Variants in SLC43A2 observed in about 807,000 individuals in gnomAD.
SLC43A2 encodes solute carrier family 43 member 2, also known as large neutral amino acids transporter small subunit 4.
In SLC43A2, 38 loss-of-function variants were observed where a neutral mutation model predicts 63.2. The ratio of observed to expected loss-of-function variants is 0.60; its 90% CI spans 0.46 to 0.79. SLC43A2 has a LOEUF of 0.79. Among genes scored for constraint, SLC43A2 ranks in the 30% least tolerant of loss-of-function variants. SLC43A2 has a pLI of 0.00. For missense variants in SLC43A2, 644 were observed against 756.2 expected (o/e 0.85, Z 1.74); for synonymous variants, 322 against 331.0 (o/e 0.97, Z 0.30).
intron 11 of SLC43A2, among the ~76,000 whole-genome samples, chr17:1,582,896 T>C (rs2076041423): frequency 6.6e-6 from 1 of 152,140 alleles, no homozygotes; most frequent in Non-Finnish European, 1.5e-5. Flanking sequence ...CTGGCCAACA[T>C]GGCAAAACCC....
At chr17:1,597,132 C>G (rs1417467774) in intron 5 of SLC43A2, among the ~76,000 whole-genome samples, 1 of 152,092 alleles carries the variant, frequency 6.6e-6, no homozygotes. Flanking sequence ...AGGAGAATCA[C>G]TTGAACCCAG....
At chr17:1,587,644 C>T (rs1205644826) in intron 9 of SLC43A2, among the ~76,000 whole-genome samples, 1 of 152,178 alleles carries the variant, frequency 6.6e-6, no homozygotes, top group East Asian at 1.9e-4. Flanking sequence ...TGAGTGCTGG[C>T]TCTGACCTTG....
chr17:1,596,305 C>A (rs548536880), intron 5 of SLC43A2, among the ~76,000 whole-genome samples: 1 of 150,598 alleles, frequency 6.6e-6, no homozygotes, highest in Non-Finnish European at 1.5e-5. Context: ...GGCAAGAGTG[C>A]GAGACTCCAT....
intron 9 of SLC43A2, among the ~76,000 whole-genome samples, chr17:1,590,462 TTTCAGCCATGCTCAGGTGGAG>T (rs1329227067): frequency 4.6e-5 from 7 of 152,306 alleles, no homozygotes; most frequent in Admixed American, 3.3e-4. Flanking sequence ...ACCTGCTGTC[TTTCAGCCATGCTCAGGTGGAG>T]CGTTCTGTTC....
Position 1,586,816 on chromosome 17 carries a change from C to T in SLC43A2, c.1079-765G>A, listed in dbSNP as rs868290992. 10 of 882,744 alleles carry T rather than the reference C, an allele frequency of 1.1e-5. No individual in the cohort carries two copies. In the Middle Eastern group the frequency reaches 8.2e-4, roughly 73 times the overall value. 54.7% of individuals were successfully genotyped at this position (882,744 alleles called of 1,614,324 possible). A position where few individuals can be genotyped will look rare whatever the true frequency, so the allele number is the denominator to read the frequency against. On this transcript the variant is annotated intron_variant, in intron 9 of 13. Transcript: ENST00000301335. ...AAGCAGACGAGGAATGTTGATTGCC[C>T]CAGTTTTACCCCCACGGCTCTAGCC... is the stretch of plus-strand genomic sequence containing the variant.
In SLC43A2 at chr17:1,606,877, G is replaced by A. The variant is rs972346161; in HGVS notation, c.501+6318C>T. 9.9e-5 allele frequency among the ~76,000 whole-genome samples: 15 copies of A among 152,224 alleles called. No homozygotes were observed. The highest frequency in any genetic ancestry group is 3.4e-4 in the African/African-American group (14 of 41,462). On this transcript the variant is annotated intron_variant, in intron 5 of 13. Coordinates refer to ENST00000301335, the MANE Select transcript of SLC43A2 (RefSeq NM_152346.3). This position sits in a 1 kb window ranked among gnomAD's most constrained non-coding sequence, Gnocchi z 4.7. Reference sequence around the variant, plus strand: ...GGCTACTGGGCAGCCTACCTGACGCGACAGCCACCCTTGCCCCTCGGAGCC... The same window carrying A: ...GGCTACTGGGCAGCCTACCTGACGCAACAGCCACCCTTGCCCCTCGGAGCC...
Position 1,585,910 on chromosome 17 carries a change from C to G in SLC43A2, c.1217+3G>C. 1.2e-6 allele frequency: 2 copies of G among 1,613,730 alleles called. No individual in the cohort carries two copies. Among genetic ancestry groups the G allele is most frequent in the Non-Finnish European group, 1.7e-6 (2 of 1,179,998 alleles). On this transcript the variant is annotated splice_donor_region_variant and intron_variant, in intron 10 of 13. Coordinates refer to ENST00000301335, the MANE Select transcript of SLC43A2 (RefSeq NM_152346.3). ...AGCCGGGGCACCGGCCCTGCCTACG[C>G]ACTGGTTGGCGTCTTTCTCCTCGGG... is the stretch of plus-strand genomic sequence containing the variant.
In SLC43A2 at chr17:1,591,560, A is replaced by G; in HGVS notation, c.728+6T>C. 1 of 1,554,408 alleles carries G rather than the reference A, an allele frequency of 6.4e-7. No individual in the cohort carries two copies. The highest frequency in any genetic ancestry group is 8.7e-7 in the Non-Finnish European group (1 of 1,150,186). On this transcript the variant is annotated splice_donor_region_variant and intron_variant, in intron 7 of 13. Transcript: ENST00000301335. ...GGGCAGGCGGGACGGGGGCACCTCT[A>G]CTTACGAGTAGTCCATGTCCTCCGG...
At chr17:1,630,009 G>A (rs2151088600), upstream of SLC43A2, among the ~76,000 whole-genome samples, 1 of 152,350 alleles carries the variant, frequency 6.6e-6, no homozygotes, top group South Asian at 2.1e-4. Context: ...GGAGGCTAAG[G>A]TCGGAGGGCC....
chr17:1,590,005 C>A lies in SLC43A2; in HGVS notation c.1078+797G>T, dbSNP rs118123044. Among the ~76,000 whole-genome samples the A allele has an allele frequency of 4.5e-3, 683 of 152,270 alleles. 2 individuals carry two copies. Among genetic ancestry groups the A allele is most frequent in the Non-Finnish European group, 6.7e-3 (459 of 68,022 alleles). On this transcript the variant is annotated intron_variant, in intron 9 of 13. Transcript: ENST00000301335. ...TTGATAAAGCTGGATTTCTCATCCC[C>A]TAAAAACCTGATAACTGATTCTTCA... is the stretch of plus-strand genomic sequence containing the variant.
In SLC43A2 at chr17:1,583,628, A is replaced by G. The variant is rs2076054544; in HGVS notation, c.1218-292T>C. Reference sequence around the variant, plus strand: ...GAGCTAAGACGACGGGGAGAGAAGTAGCAGCGTGTGCCTGAGCTGGCACAT... The same window carrying G: ...GAGCTAAGACGACGGGGAGAGAAGTGGCAGCGTGTGCCTGAGCTGGCACAT... On this transcript the variant is annotated intron_variant, in intron 10 of 13. Coordinates refer to ENST00000301335, the MANE Select transcript of SLC43A2 (RefSeq NM_152346.3). The surrounding 1 kb of genome is among the most constrained non-coding windows in gnomAD (Gnocchi z 5.5). 1.2e-5 allele frequency: 4 copies of G among 345,128 alleles called. No homozygotes were observed. The highest frequency in any genetic ancestry group is 2.2e-5 in the Non-Finnish European group (4 of 185,834). 21.4% of individuals were successfully genotyped at this position (345,128 alleles called of 1,614,324 possible).
Position 1,586,066 on chromosome 17 carries a change from G to A in SLC43A2, c.1079-15C>T, listed in dbSNP as rs753264050. On this transcript the variant is annotated splice_polypyrimidine_tract_variant and intron_variant, in intron 9 of 13. Transcript: ENST00000301335. ...GTAGAGGCCAACTGTGGAGGAAGGC[G>A]CTGCGTCATGGGGACGCCTGGCAGA... 21 of 1,569,490 alleles carry A rather than the reference G, an allele frequency of 1.3e-5. No individual in the cohort carries two copies. Among genetic ancestry groups the A allele is most frequent in the South Asian group, 9.3e-5 (8 of 86,480 alleles).
At chr17:1,615,735 C>A (rs551841523) in intron 3 of SLC43A2, among the ~76,000 whole-genome samples, 1 of 148,430 alleles carries the variant, frequency 6.7e-6, no homozygotes, top group African/African-American at 2.5e-5. Context: ...CCCAGCTACT[C>A]GGGAGGCTGA....
chr17:1,618,093 A>G (rs1907841675), intron 2 of SLC43A2, among the ~76,000 whole-genome samples: 1 of 152,172 alleles, frequency 6.6e-6, no homozygotes, highest in Non-Finnish European at 1.5e-5. Context: ...AGGTTTGCAA[A>G]AGCTTGCTCA....
chr17:1,594,812 TC>T (rs1905152608), intron 5 of SLC43A2, among the ~76,000 whole-genome samples: 1 of 151,468 alleles, frequency 6.6e-6, no homozygotes, highest in South Asian at 2.1e-4. Context: ...ATGGTCTGGA[TC>T]TCCTGACCTC....
rs963713508 is a variant in SLC43A2 at position 1,575,863 on chromosome 17, G to A, written c.1549-98C>T. 3.0e-6 allele frequency: 4 copies of A among 1,355,420 alleles called. No homozygotes were observed. The South Asian group carries it at 4.3e-5, about 15-fold the overall frequency. 84.0% of individuals were successfully genotyped at this position (1,355,420 alleles called of 1,614,324 possible). ...GGTTTGGGAAAGGGGAGAAGGTCAC[G>A]GGGTGGAAGGGGGAACGAAACAGGA... On this transcript the variant is annotated intron_variant, in intron 13 of 13. Transcript: ENST00000301335.
intron 9 of SLC43A2, among the ~76,000 whole-genome samples, chr17:1,588,277 T>C (rs531587362): frequency 2.1e-3 from 319 of 152,150 alleles, no homozygotes; most frequent in Non-Finnish European, 3.5e-3. Flanking sequence ...CCCCAGCTAC[T>C]TGGGAGGCTG....
intron 2 of SLC43A2, among the ~76,000 whole-genome samples, chr17:1,626,363 G>A (rs1908668219): frequency 6.6e-6 from 1 of 152,146 alleles, no homozygotes; most frequent in African/African-American, 2.4e-5. Context: ...CTTGTTCAGG[G>A]AACAAGGTCT....
At position 1,594,712 on chromosome 17, in the gene SLC43A2, C is replaced by T. The variant is rs565605176; in HGVS notation, c.502-1433G>A. 2.3e-3 allele frequency among the ~76,000 whole-genome samples: 340 copies of T among 149,458 alleles called. 1 individual carries two copies. The highest frequency in any genetic ancestry group is 7.8e-3 in the African/African-American group (314 of 40,496). ...ACGCCATTCTCCTGCCTCAGCCTCC[C>T]GTGTAGCTGGGACTATAGGCGCCCG... is the stretch of plus-strand genomic sequence containing the variant. On this transcript the variant is annotated intron_variant, in intron 5 of 13. Transcript: ENST00000301335.
Sources: allele counts gnomAD v4.1 joint callset (sites outside exome capture counted in the v4.1 genomes callset), GRCh38; gene constraint gnomAD v4.1.1; non-coding constraint Gnocchi (gnomAD v3.1); transcripts MANE v1.5; gene names NCBI Gene and HGNC (gene_info 2026-07-23, HGNC 2026-07-21).